Variants in PTAR1 observed in about 807,000 individuals in gnomAD.
The protein encoded by PTAR1 is protein prenyltransferase alpha subunit repeat containing 1.
In PTAR1, 17 loss-of-function variants were observed where a neutral mutation model predicts 45.5. The observed-to-expected ratio is 0.37, with a 90% CI of 0.26 to 0.56. The LOEUF is 0.56. Ranked by LOEUF, PTAR1 falls within the 20% of genes least tolerant of loss-of-function variation. The pLI is 0.77. For synonymous variants in PTAR1, 169 were observed against 171.3 expected, an observed-to-expected ratio of 0.99 and a Z score of 0.11; for missense variants, 391 against 476.3, an observed-to-expected ratio of 0.82 and a Z score of 1.67.
intron 5 of PTAR1, among the ~76,000 whole-genome samples, chr9:69,731,429 A>C (rs1342907589): frequency 6.6e-6 from 1 of 152,194 alleles, no homozygotes; most frequent in African/African-American, 2.4e-5. Flanking sequence ...GTATATAAGG[A>C]GCAAAAGGGA....
chr9:69,720,754 T>A (rs1824959530), intron 6 of PTAR1, among the ~76,000 whole-genome samples: 1 of 152,218 alleles, frequency 6.6e-6, no homozygotes, highest in South Asian at 2.1e-4. Flanking sequence ...ACCATTCCAA[T>A]AATCTTAGGG....
intron 2 of PTAR1, among the ~76,000 whole-genome samples, chr9:69,747,901 T>G (rs1826345693): frequency 6.6e-6 from 1 of 152,184 alleles, no homozygotes; most frequent in African/African-American, 2.4e-5. Context: ...TGAAGGCCCT[T>G]GAATACCATG....
intron 5 of PTAR1, among the ~76,000 whole-genome samples, chr9:69,724,451 C>T (rs761223069): frequency 9.9e-5 from 15 of 152,150 alleles, no homozygotes; most frequent in Non-Finnish European, 1.9e-4. Context: ...GTGCCTACCA[C>T]GTTCCGTCAG....
At chr9:69,737,240 T>A (rs540226277) in intron 3 of PTAR1, among the ~76,000 whole-genome samples, 1 of 151,984 alleles carries the variant, frequency 6.6e-6, no homozygotes, top group African/African-American at 2.4e-5. Flanking sequence ...CAACCACGTC[T>A]AGCTAATTTT....
chr9:69,740,200 GGTGT>G (rs1037585601), intron 3 of PTAR1, among the ~76,000 whole-genome samples: 1 of 151,812 alleles, frequency 6.6e-6, no homozygotes, highest in African/African-American at 2.4e-5. Context: ...TATGTATATA[GGTGT>G]GTGTGTGTAT....
chr9:69,759,735 A>AGAAG (rs1331684430), intron 1 of PTAR1, 118 bp downstream of exon 1: 1 of 1,007,750 alleles, frequency 9.9e-7, no homozygotes, highest in Admixed American at 3.5e-5. Context: ...CCTCCTCCCT[A>AGAAG]GAAGGGCTCG....
At position 69,714,776 on chromosome 9, in the gene PTAR1, G is replaced by T. The variant is rs186428079; in HGVS notation, c.*3566C>A. On this transcript the variant is annotated 3_prime_UTR_variant, in exon 8 of 8. Transcript: ENST00000340434. ...TACCATAGGAATAAGAAATATGACT[G>T]AAAGTCTGGGCCCAGAGTTTCTTAA... 190 of 152,176 alleles carry T rather than the reference G, an allele frequency of 1.2e-3. No individual in the cohort carries two copies. The highest frequency in any genetic ancestry group is 4.5e-3 in the African/African-American group (186 of 41,552). The allele number at this position is 152,176 out of a possible 1,614,324, so 9.4% of individuals were successfully genotyped here.
rs200231112 is a variant in PTAR1, at chr9:69,732,132, T to C, written c.642+7A>G. On this transcript the variant is annotated splice_region_variant and intron_variant, in intron 5 of 7. Coordinates refer to ENST00000340434, the MANE Select transcript of PTAR1 (RefSeq NM_001099666.2). ...GCAGTCTGCCCAGGAGACAGTAATATTCCTACCTTGACATCTAGCTTGGCC... is the reference window on the plus strand; with the variant it reads ...GCAGTCTGCCCAGGAGACAGTAATACTCCTACCTTGACATCTAGCTTGGCC... The C allele has an allele frequency of 6.2e-7, 1 of 1,604,868 alleles. No individual in the cohort carries two copies. The highest frequency in any genetic ancestry group is 8.5e-7 in the Non-Finnish European group (1 of 1,173,296).
At chr9:69,749,802 T>C (rs1343917730) in intron 2 of PTAR1, among the ~76,000 whole-genome samples, 1 of 152,110 alleles carries the variant, frequency 6.6e-6, no homozygotes, top group Admixed American at 6.6e-5. Flanking sequence ...ATCACTCAAC[T>C]GTAAGCTTCC....
rs1323126500 is a variant in PTAR1 at position 69,709,693 on chromosome 9, C to CT, written c.*8648dup. 1.3e-5 allele frequency: 2 copies of CT among 152,110 alleles called. No homozygotes were observed. The highest frequency in any genetic ancestry group is 4.8e-5 in the African/African-American group (2 of 41,430). 9.4% of individuals were successfully genotyped at this position (152,110 alleles called of 1,614,324 possible). Reference sequence around the variant, plus strand: ...AATATTTCATTCTACTTTTCTGCCACTTATCACAGTGTAATAAGTGCCAGT... The same window carrying CT: ...AATATTTCATTCTACTTTTCTGCCACTTTATCACAGTGTAATAAGTGCCAGT... On this transcript the variant is annotated 3_prime_UTR_variant, in exon 8 of 8. Transcript: ENST00000340434.
rs1056585208 is a variant in PTAR1 at position 69,711,615 on chromosome 9, A to G, written c.*6727T>C. On this transcript the variant is annotated 3_prime_UTR_variant, in exon 8 of 8. Transcript: ENST00000340434. Reference sequence around the variant, plus strand: ...ACCCGATAGTACTGGATATACCAATACAGAGACTGATTGCAGAAGACTACA... The same window carrying G: ...ACCCGATAGTACTGGATATACCAATGCAGAGACTGATTGCAGAAGACTACA... 2 of 152,218 alleles carry G rather than the reference A, an allele frequency of 1.3e-5. No homozygotes were observed. Among genetic ancestry groups the G allele is most frequent in the Admixed American group, 1.3e-4 (2 of 15,268 alleles). 9.4% of individuals were successfully genotyped at this position (152,218 alleles called of 1,614,324 possible).
At chr9:69,733,283 G>C (rs1331458535) in intron 4 of PTAR1, among the ~76,000 whole-genome samples, 1 of 152,094 alleles carries the variant, frequency 6.6e-6, no homozygotes, top group Non-Finnish European at 1.5e-5. Context: ...TGGTGATGAA[G>C]AAAATATAAC....
Position 69,732,215 on chromosome 9 carries a change from C to T in PTAR1, c.566G>A (p.Gly189Glu), listed in dbSNP as rs781185503. 3 of 1,613,842 alleles carry T rather than the reference C, an allele frequency of 1.9e-6. No homozygotes were observed. Among genetic ancestry groups the T allele is most frequent in the South Asian group, 2.2e-5 (2 of 91,088 alleles). The change falls in exon 5 of 8, where the codon GGG becomes GAG. Residue 189 changes from glycine to glutamate, a missense_variant. Gly to Glu is a moderately conservative substitution (Grantham distance 98, BLOSUM62 -2). Transcript: ENST00000340434. ...AGCATTATAGTTGCTTGGGTATCTC[C>T]CTGCTGCTTCACCACAGACCTCCAT... The part of the protein sequence containing the change: ...EEMEVCGEAA[G>E]RYPSNYNAWS...
intron 5 of PTAR1, among the ~76,000 whole-genome samples, chr9:69,727,985 C>T (rs1825364307): frequency 6.6e-6 from 1 of 152,166 alleles, no homozygotes; most frequent in African/African-American, 2.4e-5. Context: ...CCCTCCTCCC[C>T]AGCCTCTGGC....
chr9:69,737,422 C>T (rs1475470046), intron 3 of PTAR1, among the ~76,000 whole-genome samples: 1 of 152,068 alleles, frequency 6.6e-6, no homozygotes, highest in African/African-American at 2.4e-5. Context: ...CTAATGTATT[C>T]AAATAAGAAT....
chr9:69,710,267 GA>G lies in PTAR1; in HGVS notation c.*8074del, dbSNP rs1329429671. On this transcript the variant is annotated 3_prime_UTR_variant, in exon 8 of 8. Coordinates refer to ENST00000340434, the MANE Select transcript of PTAR1 (RefSeq NM_001099666.2). ...CTCAAATCTAAGACTTAGTATGGAA[GA>G]AAAAGAAGATAAGGTGTTTCATTAA... is the stretch of plus-strand genomic sequence containing the variant. The G allele has an allele frequency of 2.0e-5, 3 of 152,026 alleles. No homozygotes were observed. The highest frequency in any genetic ancestry group is 4.4e-5 in the Non-Finnish European group (3 of 67,960). The allele number at this position is 152,026 out of a possible 1,614,324, so 9.4% of individuals were successfully genotyped here. A position where few individuals can be genotyped will look rare whatever the true frequency, so the allele number is the denominator to read the frequency against.
At chr9:69,755,332 A>G (rs1050527047) in intron 1 of PTAR1, among the ~76,000 whole-genome samples, 12 of 152,146 alleles carry the variant, frequency 7.9e-5, no homozygotes, top group African/African-American at 2.4e-4. Context: ...CTCACTTCAC[A>G]ATAGGGATCC....
chr9:69,749,146 T>C (rs930335734), intron 2 of PTAR1, among the ~76,000 whole-genome samples: 2 of 152,158 alleles, frequency 1.3e-5, no homozygotes, highest in African/African-American at 4.8e-5. Context: ...CCTGCAATAG[T>C]GTCCAGAAGG....
intron 5 of PTAR1, among the ~76,000 whole-genome samples, chr9:69,731,725 C>A (rs1825546882): frequency 6.6e-6 from 1 of 152,068 alleles, no homozygotes; most frequent in Non-Finnish European, 1.5e-5. Context: ...TTGTCTATCC[C>A]TGCCCTCCTC....
Sources: gnomAD v4.1 joint callset for allele counts (sites outside exome capture counted in the v4.1 genomes callset) on GRCh38, gnomAD v4.1.1 for gene constraint, MANE v1.5 for transcripts, NCBI Gene and HGNC (gene_info 2026-07-23, HGNC 2026-07-21) for gene names.